The following PPARGC1B variants were observed in gnomAD, a reference collection of about 807,000 sequenced individuals.
PPARGC1B encodes PPARG coactivator 1 beta.
A neutral mutation model predicts 101.6 loss-of-function variants in PPARGC1B; 34 were observed. The observed-to-expected ratio is 0.33, with a 90% CI of 0.25 to 0.45. PPARGC1B has a LOEUF of 0.45. PPARGC1B is among the 20% of genes least tolerant of loss of function. The probability of loss-of-function intolerance (pLI) is 1.00; values close to 1 mark genes in which losing one functional copy is unlikely to be tolerated. For synonymous variants in PPARGC1B, 548 were observed against 539.3 expected (o/e 1.02, Z -0.22); for missense variants, 1,234 against 1,317.6 (o/e 0.94, Z 0.98).
chr5:149,778,234 G>A (rs1049943760), intron 1 of PPARGC1B, among the ~76,000 whole-genome samples: 2 of 151,964 alleles, frequency 1.3e-5, no homozygotes, highest in Non-Finnish European at 2.9e-5. Context: ...TCTTGGAGGG[G>A]ATGACAGAAG....
chr5:149,775,242 A>C (rs1756311261), intron 1 of PPARGC1B, among the ~76,000 whole-genome samples: 1 of 152,176 alleles, frequency 6.6e-6, no homozygotes, highest in South Asian at 2.1e-4. Context: ...TTTTCTGTGG[A>C]TCTGGAGAGG....
chr5:149,772,142 A>G, intron 1 of PPARGC1B: 1 of 1,605,474 alleles, frequency 6.2e-7, no homozygotes, highest in Non-Finnish European at 8.5e-7. Flanking sequence ...GAGCAATGGT[A>G]GGTGTTGGGC....
rs1397997802 is a variant in PPARGC1B, at chr5:149,779,917, CT to C, written c.79-40515del. 3.3e-5 allele frequency among the ~76,000 whole-genome samples: 5 copies of C among 152,322 alleles called. No homozygotes were observed. In the East Asian group the frequency reaches 9.6e-4, roughly 29 times the overall value. ...TGGAGCCCCTTCCCAGCCCCTTCCC[CT>C]GGCCTTGGTCTGCACAAGATCTCTC... On this transcript the variant is annotated intron_variant, in intron 1 of 11. Coordinates refer to ENST00000309241, the MANE Select transcript of PPARGC1B (RefSeq NM_133263.4).
At chr5:149,770,754 C>T (rs1756100249) in intron 1 of PPARGC1B, among the ~76,000 whole-genome samples, 1 of 151,412 alleles carries the variant, frequency 6.6e-6, no homozygotes, top group African/African-American at 2.4e-5. Flanking sequence ...AACTCTTGAG[C>T]CCAGGAGTTC....
intron 1 of PPARGC1B, among the ~76,000 whole-genome samples, chr5:149,760,916 A>C (rs1289281863): frequency 6.6e-6 from 1 of 152,138 alleles, no homozygotes; most frequent in Admixed American, 6.5e-5. Context: ...ATGGGGATTA[A>C]TGGGGAGATT....
rs117993692 is a variant in PPARGC1B, at chr5:149,815,884, C to T, written c.79-4549C>T. Among the ~76,000 whole-genome samples, 1,479 of 152,222 alleles carry T rather than the reference C, an allele frequency of 9.7e-3. 59 individuals are homozygous for T. The highest frequency in any genetic ancestry group is 0.08 in the Admixed American group (1,226 of 15,276). ...TTTAAATGACTTGCCGACATGGGGA[C>T]GGTAGCACCCACCCTGCTGGGTTGA... On this transcript the variant is annotated intron_variant, in intron 1 of 11. Coordinates refer to ENST00000309241, the MANE Select transcript of PPARGC1B (RefSeq NM_133263.4).
chr5:149,828,305 T>A (rs1581103303), intron 3 of PPARGC1B, among the ~76,000 whole-genome samples: 1 of 152,166 alleles, frequency 6.6e-6, no homozygotes, highest in Non-Finnish European at 1.5e-5. Context: ...TAGGTTTGAA[T>A]CCCAGCCCTG....
intron 1 of PPARGC1B, among the ~76,000 whole-genome samples, chr5:149,764,750 G>A (rs1176577065): frequency 6.6e-6 from 1 of 152,120 alleles, no homozygotes; most frequent in African/African-American, 2.4e-5. Context: ...AAGTCTAAGA[G>A]GAAAAAATAA....
intron 3 of PPARGC1B, among the ~76,000 whole-genome samples, chr5:149,830,241 GTCT>G (rs1024391028): frequency 6.0e-5 from 9 of 150,220 alleles, no homozygotes; most frequent in African/African-American, 1.5e-4. Flanking sequence ...TTTGTGATGT[GTCT>G]TCTTTTTTTT....
chr5:149,855,845 G>A (rs192747721), downstream of PPARGC1B, among the ~76,000 whole-genome samples: 14 of 152,286 alleles, frequency 9.2e-5, no homozygotes, highest in South Asian at 1.2e-3. Context: ...GGCTGGGCGC[G>A]GTGGCTCGCA....
intron 6 of PPARGC1B, among the ~76,000 whole-genome samples, chr5:149,835,027 T>C (rs1324180896): frequency 6.6e-6 from 1 of 152,242 alleles, no homozygotes; most frequent in Non-Finnish European, 1.5e-5. Flanking sequence ...GGGCCTCGGT[T>C]GCTCCCTCTA....
At chr5:149,799,189 A>G (rs768506305) in intron 1 of PPARGC1B, among the ~76,000 whole-genome samples, 2 of 152,068 alleles carry the variant, frequency 1.3e-5, no homozygotes, top group African/African-American at 2.4e-5. Flanking sequence ...TTTATTTCAC[A>G]CACCTCTATA....
intron 2 of PPARGC1B, among the ~76,000 whole-genome samples, chr5:149,825,121 G>A (rs1183045085): frequency 1.8e-4 from 27 of 152,234 alleles, no homozygotes; most frequent in Admixed American, 1.5e-3. Flanking sequence ...TAAATGAGGC[G>A]CTCGGTGCCT....
chr5:149,779,370 C>T (rs879830626), intron 1 of PPARGC1B, among the ~76,000 whole-genome samples: 1 of 152,180 alleles, frequency 6.6e-6, no homozygotes, highest in Non-Finnish European at 1.5e-5. Context: ...GAGGGGCTGC[C>T]TCTTCTGCCC....
intron 1 of PPARGC1B, among the ~76,000 whole-genome samples, chr5:149,762,092 A>T (rs188501677): frequency 1.7e-4 from 26 of 151,094 alleles, no homozygotes; most frequent in African/African-American, 6.1e-4. Context: ...AGATGATGGG[A>T]TAAGTGCAAG....
In PPARGC1B at chr5:149,837,104, G is replaced by A. The variant is rs371867599; in HGVS notation, c.2618+31G>A. On this transcript the variant is annotated intron_variant, in intron 8 of 11. Transcript: ENST00000309241. The surrounding 1 kb of genome is among the most constrained non-coding windows in gnomAD (Gnocchi z 4.2). ...AACAGGGGGCTGCAGGAGAGGCAGC[G>A]GGCAGTGGAGGATCCCAGTTCCCGG... 2.2e-5 allele frequency: 34 copies of A among 1,558,784 alleles called. No individual in the cohort carries two copies. The African/African-American group carries it at 3.1e-4, about 14-fold the overall frequency.
Position 149,815,746 on chromosome 5 carries a change from C to T in PPARGC1B, c.79-4687C>T, listed in dbSNP as rs1182251393. ...ATTTTTAGTAGAAATGCAGTTTTAC[C>T]ATGTTGGCCAGGCTGGTCTCAAACT... is the stretch of plus-strand genomic sequence containing the variant. On this transcript the variant is annotated intron_variant, in intron 1 of 11. Coordinates refer to ENST00000309241, the MANE Select transcript of PPARGC1B (RefSeq NM_133263.4). Among the ~76,000 whole-genome samples, 7 of 152,222 alleles carry T rather than the reference C, an allele frequency of 4.6e-5. No individual in the cohort carries two copies. The East Asian group carries it at 1.4e-3, about 29-fold the overall frequency.
chr5:149,786,968 A>C (rs1398417565), intron 1 of PPARGC1B, among the ~76,000 whole-genome samples: 2 of 152,046 alleles, frequency 1.3e-5, no homozygotes, highest in Admixed American at 6.6e-5. Flanking sequence ...ATTCAAAGTC[A>C]CCCCCGCAAA....
At chr5:149,734,364 C>A (rs2113061919) in intron 1 of PPARGC1B, among the ~76,000 whole-genome samples, 1 of 138,206 alleles carries the variant, frequency 7.2e-6, no homozygotes, top group African/African-American at 2.6e-5. Context: ...CCTGAATATA[C>A]TGATTTGTAA....
Sources: gnomAD v4.1 joint callset for allele counts (sites outside exome capture counted in the v4.1 genomes callset) on GRCh38, gnomAD v4.1.1 for gene constraint, Gnocchi (gnomAD v3.1) non-coding constraint, MANE v1.5 for transcripts, NCBI Gene and HGNC (gene_info 2026-07-23, HGNC 2026-07-21) for gene names.